UBE2E2: variants seen among roughly 807,000 people sequenced by gnomAD.
UBE2E2 encodes the protein ubiquitin conjugating enzyme E2 E2.
In UBE2E2, 6 loss-of-function variants were observed where a neutral mutation model predicts 24.7. That is an observed-to-expected ratio of 0.24 (90% CI 0.13 to 0.48). UBE2E2 has a LOEUF of 0.48. Among genes scored for constraint, UBE2E2 ranks in the 20% least tolerant of loss-of-function variants. The probability of loss-of-function intolerance (pLI) is 0.99; values close to 1 mark genes in which losing one functional copy is unlikely to be tolerated. For synonymous variants in UBE2E2, 104 were observed against 83.6 expected (o/e 1.24, Z -1.33); for missense variants, 169 against 245.0 (o/e 0.69, Z 2.07).
intron 5 of UBE2E2, among the ~76,000 whole-genome samples, chr3:23,586,453 C>T (rs1241055176): frequency 6.6e-6 from 1 of 151,958 alleles, no homozygotes; most frequent in Non-Finnish European, 1.5e-5. Flanking sequence ...CACCACCACA[C>T]CTGGCTAATT....
chr3:23,516,234 GAGAA>G (rs1694738287), intron 4 of UBE2E2, among the ~76,000 whole-genome samples: 1 of 152,020 alleles, frequency 6.6e-6, no homozygotes, highest in Non-Finnish European at 1.5e-5. Context: ...ATATTAGGGG[GAGAA>G]AGAATATATA....
chr3:23,566,756 A>G (rs188481392), intron 5 of UBE2E2, among the ~76,000 whole-genome samples: 1 of 152,270 alleles, frequency 6.6e-6, no homozygotes, highest in African/African-American at 2.4e-5. Flanking sequence ...CCTGACCCCA[A>G]CACCTGCCAC....
At chr3:23,518,600 C>T (rs1694794863) in intron 4 of UBE2E2, among the ~76,000 whole-genome samples, 1 of 152,112 alleles carries the variant, frequency 6.6e-6, no homozygotes, top group Non-Finnish European at 1.5e-5. Flanking sequence ...GCCTTAGGCT[C>T]TTCTCATATA....
Position 23,494,453 on chromosome 3 carries a change from T to C in UBE2E2, c.228-5155T>C, listed in dbSNP as rs892688922. 8.5e-5 allele frequency among the ~76,000 whole-genome samples: 13 copies of C among 152,320 alleles called. 2 individuals are homozygous for C. The highest frequency in any genetic ancestry group is 2.0e-4 in the Admixed American group (3 of 15,304). ...TTCTTTTGCATTAAGTCTTCAAACTTAGGTATATATTTTACACATACAGCA... is the reference window on the plus strand; with the variant it reads ...TTCTTTTGCATTAAGTCTTCAAACTCAGGTATATATTTTACACATACAGCA... On this transcript the variant is annotated intron_variant, in intron 3 of 5. Transcript: ENST00000396703.
chr3:23,454,994 A>C (rs1056774305), intron 3 of UBE2E2, among the ~76,000 whole-genome samples: 1 of 152,220 alleles, frequency 6.6e-6, no homozygotes, highest in Non-Finnish European at 1.5e-5. Context: ...CTTGATCCCT[A>C]AGCAGAATTC....
intron 3 of UBE2E2, among the ~76,000 whole-genome samples, chr3:23,325,276 A>G (rs1339993669): frequency 3.3e-5 from 5 of 152,146 alleles, no homozygotes; most frequent in African/African-American, 9.7e-5. Context: ...TGTTTTGTAT[A>G]GTAAATATTC....
Position 23,562,092 on chromosome 3 carries a change from C to T in UBE2E2, c.509-27642C>T, listed in dbSNP as rs199545776. On this transcript the variant is annotated intron_variant, in intron 5 of 5. Transcript: ENST00000396703. ...TCCTGCCTAATTGCCCTGGCCAGAA[C>T]TTCCAACACTATGTTGAATAGGAGT... Among the ~76,000 whole-genome samples, 214 of 152,266 alleles carry T rather than the reference C, an allele frequency of 1.4e-3. 5 individuals are homozygous for T. The East Asian group carries it at 0.015, about 11-fold the overall frequency.
chr3:23,585,233 A>G (rs1008327370), intron 5 of UBE2E2, among the ~76,000 whole-genome samples: 2 of 151,848 alleles, frequency 1.3e-5, no homozygotes, highest in Non-Finnish European at 2.9e-5. Flanking sequence ...TAAACTGGAC[A>G]TGCTACTGTG....
At chr3:23,210,652 T>C (rs1053386746) in intron 2 of UBE2E2, among the ~76,000 whole-genome samples, 1 of 152,062 alleles carries the variant, frequency 6.6e-6, no homozygotes, top group Non-Finnish European at 1.5e-5. Context: ...AGATAAAACC[T>C]AGTTTAGAGA....
chr3:23,464,327 A>G (rs1004311858), intron 3 of UBE2E2, among the ~76,000 whole-genome samples: 1 of 152,202 alleles, frequency 6.6e-6, no homozygotes, highest in African/African-American at 2.4e-5. Context: ...GTGTAATTGC[A>G]GTGCTCCAGA....
chr3:23,367,995 G>A (rs1470884945), intron 3 of UBE2E2, among the ~76,000 whole-genome samples: 4 of 152,080 alleles, frequency 2.6e-5, no homozygotes, highest in East Asian at 1.9e-4. Flanking sequence ...GTGGTTTTCC[G>A]TACACAGAAT....
intron 5 of UBE2E2, among the ~76,000 whole-genome samples, chr3:23,554,983 C>G (rs1451793311): frequency 6.6e-6 from 1 of 150,964 alleles, no homozygotes; most frequent in African/African-American, 2.4e-5. Context: ...GTGATGTGAT[C>G]TCTGCTCACT....
chr3:23,278,857 G>A (rs373306248), intron 3 of UBE2E2, among the ~76,000 whole-genome samples: 1 of 152,102 alleles, frequency 6.6e-6, no homozygotes, highest in East Asian at 1.9e-4. Flanking sequence ...AACCTCGGCA[G>A]TAAAAAACCA....
At chr3:23,364,388 T>TAG (rs752723164) in intron 3 of UBE2E2, among the ~76,000 whole-genome samples, 2 of 151,554 alleles carry the variant, frequency 1.3e-5, no homozygotes, top group Admixed American at 6.6e-5. Context: ...GCGAGACTAA[T>TAG]AGAGAGAGAG....
At position 23,293,842 on chromosome 3, in the gene UBE2E2, G is replaced by C. The variant is rs1219675783; in HGVS notation, c.227+76530G>C. 2.6e-5 allele frequency among the ~76,000 whole-genome samples: 4 copies of C among 152,308 alleles called. No individual in the cohort carries two copies. The East Asian group carries it at 7.7e-4, about 29-fold the overall frequency. On this transcript the variant is annotated intron_variant, in intron 3 of 5. Coordinates refer to ENST00000396703, the MANE Select transcript of UBE2E2 (RefSeq NM_152653.4). ...TTTTTAAATTCAGCTTTAGCCAGGT[G>C]CATTGGTGTGCACCAGTATTCCCAG...
chr3:23,551,241 T>A (rs942358990), intron 5 of UBE2E2, among the ~76,000 whole-genome samples: 4 of 152,126 alleles, frequency 2.6e-5, no homozygotes, highest in African/African-American at 9.7e-5. Flanking sequence ...GAAAAATAAA[T>A]AAAAATGGAA....
At chr3:23,258,380 A>G (rs1364564893) in intron 3 of UBE2E2, among the ~76,000 whole-genome samples, 1 of 152,228 alleles carries the variant, frequency 6.6e-6, no homozygotes, top group Non-Finnish European at 1.5e-5. Flanking sequence ...GATAGTAAAG[A>G]GAAGAAAAAC....
chr3:23,369,848 G>T (rs1041192662), intron 3 of UBE2E2, among the ~76,000 whole-genome samples: 2 of 152,140 alleles, frequency 1.3e-5, no homozygotes, highest in East Asian at 3.8e-4. Flanking sequence ...TAGTGTGTTT[G>T]CAGTTTTGTT....
At chr3:23,296,950 C>T (rs1361349240) in intron 3 of UBE2E2, among the ~76,000 whole-genome samples, 1 of 152,192 alleles carries the variant, frequency 6.6e-6, no homozygotes, top group Non-Finnish European at 1.5e-5. Context: ...TCCTATTTCT[C>T]CACATCCTCT....
Sources: gnomAD v4.1 joint callset for allele counts (sites outside exome capture counted in the v4.1 genomes callset) on GRCh38, gnomAD v4.1.1 for gene constraint, MANE v1.5 for transcripts, NCBI Gene and HGNC (gene_info 2026-07-23, HGNC 2026-07-21) for gene names.